MINK1: variants seen among roughly 807,000 people sequenced by gnomAD.
MINK1 encodes the protein misshapen like kinase 1.
In MINK1, 46 loss-of-function variants were observed where a neutral mutation model predicts 178.4. That is an observed-to-expected ratio of 0.26 (90% confidence interval 0.20 to 0.33). The LOEUF (loss-of-function observed/expected upper bound fraction) is 0.33, where lower values mean the gene tolerates loss of function less well. MINK1 is among the 10% of genes least tolerant of loss of function. The probability of loss-of-function intolerance (pLI) is 1.00; values close to 1 mark genes in which losing one functional copy is unlikely to be tolerated. For missense variants in MINK1, 1,366 were observed against 1,814.9 expected, an observed-to-expected ratio of 0.75 and a Z score of 4.49; for synonymous variants, 797 against 709.7, an observed-to-expected ratio of 1.12 and a Z score of -1.96.
intron 1 of MINK1, among the ~76,000 whole-genome samples, chr17:4,848,372 A>AT (rs1911362421): frequency 6.6e-6 from 1 of 152,034 alleles, no homozygotes; most frequent in South Asian, 2.1e-4. Context: ...GTTTGGGGGT[A>AT]TTTTTTGAGA....
rs565123872 is a variant in MINK1, at chr17:4,878,340, T to C, written c.81T>C (p.Leu27=). ...ALRDPAGIFE[L]VEVVGNGTYG... The stretch of plus-strand genomic sequence containing the variant: ...AGGACCCTGCTGGGATCTTTGAGCT[T>C]GTGGAGGTGGTCGGCAATGGAACCT... Residue 27 remains leucine, a synonymous_variant, in exon 2 of 32, where the codon CTT becomes CTC. Transcript: ENST00000355280. The C allele has an allele frequency of 4.6e-6, 7 of 1,537,642 alleles. No individual in the cohort carries two copies. Among genetic ancestry groups the C allele is most frequent in the Non-Finnish European group, 6.1e-6 (7 of 1,146,982 alleles).
In MINK1 at chr17:4,858,877, A is replaced by T. The variant is rs540585940; in HGVS notation, c.58-19440A>T. ...TGCCTTTTTGGAAGTACAAGGAGCT[A>T]GGAAAGGAGGGGTCTCTCCCAGACT... On this transcript the variant is annotated intron_variant, in intron 1 of 31. Transcript: ENST00000355280. Among the ~76,000 whole-genome samples the T allele has an allele frequency of 1.8e-3, 273 of 152,306 alleles. 1 individual carries two copies. Among genetic ancestry groups the T allele is most frequent in the Non-Finnish European group, 3.1e-3 (211 of 68,026 alleles).
At chr17:4,840,613 G>A (rs571095288) in intron 1 of MINK1, among the ~76,000 whole-genome samples, 4 of 152,200 alleles carry the variant, frequency 2.6e-5, no homozygotes, top group South Asian at 2.1e-4. Flanking sequence ...TGAGTCTCAC[G>A]GAAATAAGAA....
chr17:4,845,773 T>C (rs115535554), intron 1 of MINK1, among the ~76,000 whole-genome samples: 2,183 of 152,184 alleles, frequency 0.014, 44 homozygotes, highest in East Asian at 0.058. Context: ...GCATAATAGC[T>C]GGGACTACAG....
chr17:4,856,547 G>A (rs62073634), intron 1 of MINK1, among the ~76,000 whole-genome samples: 1,713 of 152,152 alleles, frequency 0.011, 12 homozygotes, highest in Non-Finnish European at 0.018. Flanking sequence ...AGGAGCCTCC[G>A]CAATGGGAAC....
chr17:4,841,746 T>C (rs1206112480), intron 1 of MINK1, among the ~76,000 whole-genome samples: 2 of 152,024 alleles, frequency 1.3e-5, no homozygotes, highest in African/African-American at 4.8e-5. Context: ...GTAAGAGACA[T>C]GGATCTAAGT....
chr17:4,887,091 C>T lies in MINK1; in HGVS notation c.950-19C>T. 3 of 1,574,976 alleles carry T rather than the reference C, an allele frequency of 1.9e-6. No individual in the cohort carries two copies. The South Asian group carries it at 3.5e-5, about 18-fold the overall frequency. ...TCTGGGGCGCTGGGTGAGATAACTG[C>T]AGTGGCCTCCCCCTGCAGAGGAGAC... On this transcript the variant is annotated intron_variant, in intron 10 of 31. Coordinates refer to ENST00000355280, the MANE Select transcript of MINK1 (RefSeq NM_153827.5). The surrounding 1 kb of genome is among the most constrained non-coding windows in gnomAD (Gnocchi z 7.6).
At chr17:4,842,222 CAA>C (rs144657930) in intron 1 of MINK1, among the ~76,000 whole-genome samples, 6 of 127,208 alleles carry the variant, frequency 4.7e-5, no homozygotes, top group Non-Finnish European at 9.8e-5. Flanking sequence ...AGACTCTGTC[CAA>C]AAAAAAAAAA....
intron 15 of MINK1, 58 bp from the exon 16 acceptor site, chr17:4,891,398 C>A (rs532751964): frequency 6.6e-7 from 1 of 1,506,256 alleles, no homozygotes; most frequent in Non-Finnish European, 8.9e-7. Context: ...GACCCCAATT[C>A]GCAGGTGGGG....
Position 4,894,938 on chromosome 17 carries a change from T to C in MINK1, c.2918-137T>C, listed in dbSNP as rs1969294319. The C allele has an allele frequency of 3.1e-6, 3 of 953,554 alleles. No individual in the cohort carries two copies. The highest frequency in any genetic ancestry group is 3.2e-5 in the South Asian group (2 of 62,144). The allele number at this position is 953,554 out of a possible 1,614,324, so 59.1% of individuals were successfully genotyped here. The stretch of plus-strand genomic sequence containing the variant: ...TCCAGCACTCTATCCCCCTCTCCCA[T>C]GCACCTCCTCTCCTCCTGTCTTTCT... On this transcript the variant is annotated intron_variant, in intron 24 of 31. Transcript: ENST00000355280. The surrounding 1 kb of genome is among the most constrained non-coding windows in gnomAD (Gnocchi z 4.1).
rs762740783 is a variant in MINK1, at chr17:4,891,030, C to T, written c.1646C>T (p.Pro549Leu). Residue 549 changes from proline to leucine, a missense_variant, in exon 15 of 32, where the codon CCC becomes CTC. Coordinates refer to ENST00000355280, the MANE Select transcript of MINK1 (RefSeq NM_153827.5). ...AAGCCAGGCAGCACGGGGCCTGAGC[C>T]CCCCATCCCCCAGGCCTCCCCAGGG... is the stretch of plus-strand genomic sequence containing the variant. ...KSKPGSTGPEPPIPQASPGPP... is the reference protein window; with the variant it reads ...KSKPGSTGPELPIPQASPGPP... The T allele has an allele frequency of 2.6e-5, 40 of 1,557,162 alleles. No individual in the cohort carries two copies. Among genetic ancestry groups the T allele is most frequent in the Non-Finnish European group, 3.4e-5 (39 of 1,150,634 alleles).
At chr17:4,859,503 CA>C (rs1913770522) in intron 1 of MINK1, among the ~76,000 whole-genome samples, 1 of 152,114 alleles carries the variant, frequency 6.6e-6, no homozygotes, top group African/African-American at 2.4e-5. Context: ...CATTATTTGA[CA>C]GGCACTTAAG....
In MINK1 at chr17:4,896,156, G is replaced by A. The variant is rs375613188; in HGVS notation, c.3466-37G>A. 289 of 1,603,402 alleles carry A rather than the reference G, an allele frequency of 1.8e-4. No homozygotes were observed. The highest frequency in any genetic ancestry group is 2.3e-4 in the Non-Finnish European group (274 of 1,174,458). On this transcript the variant is annotated intron_variant, in intron 28 of 31. Coordinates refer to ENST00000355280, the MANE Select transcript of MINK1 (RefSeq NM_153827.5). The surrounding 1 kb of genome is among the most constrained non-coding windows in gnomAD (Gnocchi z 4.6). ...ATCTGGAGTCCCAGCGCCTCTCCCC[G>A]TGCCCCTGAGCCCTCCTCTCCTCCG...
chr17:4,842,048 C>T (rs953659207), intron 1 of MINK1, among the ~76,000 whole-genome samples: 3 of 151,828 alleles, frequency 2.0e-5, no homozygotes, highest in African/African-American at 2.4e-5. Flanking sequence ...GGTGAAACCC[C>T]GTCTCTACTA....
At chr17:4,889,519 CAAGCGG>C in intron 12 of MINK1, 122 bp from the exon 13 acceptor site, 1 of 822,662 alleles carries the variant, frequency 1.2e-6, no homozygotes, top group Non-Finnish European at 2.0e-6. Context: ...GTTGCAGAAA[CAAGCGG>C]AAGCCGGTCT....
At chr17:4,884,270 T>C in intron 4 of MINK1, 93 bp from the exon 5 acceptor site, 1 of 951,684 alleles carries the variant, frequency 1.1e-6, no homozygotes, top group East Asian at 2.5e-5. Flanking sequence ...AGGTCTCTTA[T>C]CCTCCTCCAG....
At chr17:4,842,532 A>G (rs777870279) in intron 1 of MINK1, among the ~76,000 whole-genome samples, 1 of 152,206 alleles carries the variant, frequency 6.6e-6, no homozygotes, top group Non-Finnish European at 1.5e-5. Flanking sequence ...GTCTGCTAGC[A>G]TACCTCTGGA....
intron 1 of MINK1, chr17:4,859,303 A>C (rs547576983): frequency 1.0e-6 from 1 of 985,380 alleles, no homozygotes; most frequent in South Asian, 4.7e-5. Context: ...AAATTCAAGA[A>C]TTATGACTCA....
intron 1 of MINK1, chr17:4,854,674 G>A (rs969922610): frequency 3.2e-5 from 14 of 443,156 alleles, no homozygotes; most frequent in Admixed American, 1.1e-4. Context: ...TGGTTTCTTC[G>A]CCTTCCTTCT....
Sources: gnomAD v4.1 joint callset for allele counts (sites outside exome capture counted in the v4.1 genomes callset) on GRCh38, gnomAD v4.1.1 for gene constraint, Gnocchi (gnomAD v3.1) non-coding constraint, MANE v1.5 for transcripts, NCBI Gene and HGNC (gene_info 2026-07-23, HGNC 2026-07-21) for gene names.